MYL3: variants seen among roughly 807,000 people sequenced by gnomAD.
MYL3 encodes CMLC1.
A neutral mutation model predicts 21.3 loss-of-function variants in MYL3; 11 were observed. That is an observed-to-expected ratio of 0.52 (90% CI 0.32 to 0.85). The LOEUF (loss-of-function observed/expected upper bound fraction) is 0.85, where lower values mean the gene tolerates loss of function less well. Among genes scored for constraint, MYL3 ranks in the 40% least tolerant of loss-of-function variants. The pLI is 0.03. For missense variants in MYL3, 206 were observed against 253.3 expected, an observed-to-expected ratio of 0.81 and a Z score of 1.27; for synonymous variants, 88 against 91.6, an observed-to-expected ratio of 0.96 and a Z score of 0.22.
intron 1 of MYL3, among the ~76,000 whole-genome samples, chr3:46,878,323 C>A (rs2030354826): frequency 1.3e-5 from 2 of 152,202 alleles, no homozygotes; most frequent in Admixed American, 6.5e-5. Flanking sequence ...CTACTGGGCT[C>A]TTGCCTCAAA....
chr3:46,872,073 A>G (rs1387622612), intron 1 of MYL3, among the ~76,000 whole-genome samples: 1 of 152,172 alleles, frequency 6.6e-6, no homozygotes, highest in African/African-American at 2.4e-5. Flanking sequence ...AGTTCCCTAA[A>G]GGTGGGCTCA....
rs1026059980 is a variant in MYL3, at chr3:46,859,255, C to T, written c.481+220G>A. Among the ~76,000 whole-genome samples, 2 of 152,190 alleles carry T rather than the reference C, an allele frequency of 1.3e-5. No individual in the cohort carries two copies. Among genetic ancestry groups the T allele is most frequent in the Admixed American group, 1.3e-4 (2 of 15,276 alleles). On this transcript the variant is annotated intron_variant, in intron 4 of 6. Coordinates refer to ENST00000292327, the MANE Select transcript of MYL3 (RefSeq NM_000258.3). This position sits in a 1 kb window ranked among gnomAD's most constrained non-coding sequence, Gnocchi z 4.1. Reference sequence around the variant, plus strand: ...ATCAAGACGGCTCCTTCCTGCCCTGCTCTGTCCCCAGAGCTGATGTCATCC... The same window carrying T: ...ATCAAGACGGCTCCTTCCTGCCCTGTTCTGTCCCCAGAGCTGATGTCATCC...
At chr3:46,871,029 C>T (rs1012873063) in intron 1 of MYL3, among the ~76,000 whole-genome samples, 7 of 152,234 alleles carry the variant, frequency 4.6e-5, no homozygotes. Context: ...CTCCTTTGTA[C>T]ACATATACTT....
intron 1 of MYL3, chr3:46,881,091 G>C (rs890058248): frequency 6.6e-6 from 1 of 152,350 alleles, no homozygotes; most frequent in African/African-American, 2.4e-5. Flanking sequence ...GACAGCCGAA[G>C]AGTGGTAGTG....
At chr3:46,869,766 C>T (rs1702089200) in intron 1 of MYL3, among the ~76,000 whole-genome samples, 1 of 152,084 alleles carries the variant, frequency 6.6e-6, no homozygotes, top group African/African-American at 2.4e-5. Context: ...GGGGAAGGGG[C>T]ATGTGGACAC....
chr3:46,873,491 GC>G (rs1325484876), intron 1 of MYL3, among the ~76,000 whole-genome samples: 1 of 152,098 alleles, frequency 6.6e-6, no homozygotes, highest in African/African-American at 2.4e-5. Flanking sequence ...TCACTTCCTT[GC>G]CCCCCTCCAC....
At chr3:46,863,684 A>AAC (rs1414918578), upstream of MYL3, among the ~76,000 whole-genome samples, 3 of 152,120 alleles carry the variant, frequency 2.0e-5, no homozygotes, top group African/African-American at 7.2e-5. Context: ...GCCACTGCTT[A>AAC]ACACACACAT....
chr3:46,868,972 G>A (rs548280825), intron 1 of MYL3, among the ~76,000 whole-genome samples: 1 of 152,248 alleles, frequency 6.6e-6, no homozygotes, highest in East Asian at 1.9e-4. Context: ...GTCTGGGATG[G>A]GAGGAGGGGG....
At position 46,863,333 on chromosome 3, in the gene MYL3, C is replaced by G; in HGVS notation, c.58G>C (p.Ala20Pro). ...KDDAKAAPKA[A>P]PAPAPPPEPE... The stretch of plus-strand genomic sequence containing the variant: ...TCAGGGGGAGGTGCGGGAGCTGGAG[C>G]TGCCTTGGGGGCTGCCTTGGCATCA... The change falls in exon 1 of 7, where the codon GCT becomes CCT. Residue 20 changes from alanine (A) to proline (P), a missense_variant. Ala to Pro is a conservative substitution (Grantham distance 27). Transcript: ENST00000292327. 1.2e-6 allele frequency: 2 copies of G among 1,613,984 alleles called. No individual in the cohort carries two copies. Among genetic ancestry groups the G allele is most frequent in the African/African-American group, 2.7e-5 (2 of 75,052 alleles).
In MYL3 at chr3:46,861,000, C is replaced by G; in HGVS notation, c.130-13G>C. On this transcript the variant is annotated splice_polypyrimidine_tract_variant and intron_variant, in intron 1 of 6. Transcript: ENST00000292327. The surrounding 1 kb of genome is among the most constrained non-coding windows in gnomAD (Gnocchi z 4.6). ...GTGTGAACTCAATCTGAAAAGAGAC[C>G]CCAAAGACTCAGATGCCCGGCTTAA... 6.2e-7 allele frequency: 1 copy of G among 1,613,960 alleles called. No individual in the cohort carries two copies. Among genetic ancestry groups the G allele is most frequent in the Non-Finnish European group, 8.5e-7 (1 of 1,179,988 alleles).
intron 1 of MYL3, among the ~76,000 whole-genome samples, chr3:46,873,831 G>C (rs1029477374): frequency 1.3e-5 from 2 of 152,236 alleles, no homozygotes; most frequent in African/African-American, 4.8e-5. Flanking sequence ...CCCAGAGATA[G>C]AGCAGAGGTC....
chr3:46,876,985 C>A (rs936173), intron 1 of MYL3, among the ~76,000 whole-genome samples: 11,290 of 152,206 alleles, frequency 0.074, 1,445 homozygotes, highest in African/African-American at 0.26. Context: ...GTTCTACAGA[C>A]CCACAGAGAG....
intron 1 of MYL3, among the ~76,000 whole-genome samples, chr3:46,875,495 G>C (rs1434769193): frequency 2.0e-5 from 3 of 152,250 alleles, no homozygotes; most frequent in Admixed American, 2.0e-4. Context: ...TGCAATTTGA[G>C]GACATGCCCT....
chr3:46,863,170 C>T (rs761745682), intron 1 of MYL3, 92 bp downstream of exon 1: 14 of 1,581,642 alleles, frequency 8.9e-6, no homozygotes, highest in Non-Finnish European at 1.2e-5. Flanking sequence ...TCAGTGCTCA[C>T]CTCCAGAGCC....
At chr3:46,875,662 G>A (rs1030332488) in intron 1 of MYL3, among the ~76,000 whole-genome samples, 3 of 152,320 alleles carry the variant, frequency 2.0e-5, no homozygotes, top group African/African-American at 2.4e-5. Flanking sequence ...CTGTTACGAC[G>A]CTGCAAATAC....
upstream of MYL3, among the ~76,000 whole-genome samples, chr3:46,867,182 C>A (rs975937175): frequency 3.3e-5 from 5 of 151,976 alleles, no homozygotes; most frequent in East Asian, 5.8e-4. Flanking sequence ...TAAACCCGGA[C>A]CTTCAACCCA....
chr3:46,859,174 C>G lies in MYL3; in HGVS notation c.481+301G>C, dbSNP rs997995922. On this transcript the variant is annotated intron_variant, in intron 4 of 6. Coordinates refer to ENST00000292327, the MANE Select transcript of MYL3 (RefSeq NM_000258.3). The surrounding 1 kb of genome is among the most constrained non-coding windows in gnomAD (Gnocchi z 4.1). Reference sequence around the variant, plus strand: ...TAGGGCTGTGGCCCTGGAATTTGACCTTGGAGTAATGACCACCAGGACGGT... The same window carrying G: ...TAGGGCTGTGGCCCTGGAATTTGACGTTGGAGTAATGACCACCAGGACGGT... Among the ~76,000 whole-genome samples, 1 of 152,088 alleles carries G rather than the reference C, an allele frequency of 6.6e-6. No individual in the cohort carries two copies. The highest frequency in any genetic ancestry group is 2.4e-5 in the African/African-American group (1 of 41,406).
chr3:46,859,704 C>G lies in MYL3; in HGVS notation c.308-56G>C. On this transcript the variant is annotated intron_variant, in intron 3 of 6. Transcript: ENST00000292327. The surrounding 1 kb of genome is among the most constrained non-coding windows in gnomAD (Gnocchi z 4.1). ...CTAAGGCTGGGGTGGGCACACCCCT[C>G]CCCCATGCCTGATAATGAGGAGCTA... The G allele has an allele frequency of 6.4e-6, 10 of 1,551,216 alleles. No homozygotes were observed. Among genetic ancestry groups the G allele is most frequent in the Non-Finnish European group, 8.9e-6 (10 of 1,122,884 alleles).
At chr3:46,864,021 G>T (rs1030592887), upstream of MYL3, among the ~76,000 whole-genome samples, 1 of 151,744 alleles carries the variant, frequency 6.6e-6, no homozygotes, top group East Asian at 1.9e-4. This position sits in a 1 kb window ranked among gnomAD's most constrained non-coding sequence, Gnocchi z 4.7. Context: ...TGTGGAGGGG[G>T]GTCTGTGTAC....
Sources: allele counts gnomAD v4.1 joint callset (sites outside exome capture counted in the v4.1 genomes callset), GRCh38; gene constraint gnomAD v4.1.1; non-coding constraint Gnocchi (gnomAD v3.1); transcripts MANE v1.5; gene names NCBI Gene and HGNC (gene_info 2026-07-23, HGNC 2026-07-21).